PCDHGB1: variants seen among roughly 807,000 people sequenced by gnomAD.
PCDHGB1 encodes protocadherin gamma subfamily B, 1, also known as protocadherin gamma-B1.
A neutral mutation model predicts 56.6 loss-of-function variants in PCDHGB1; 34 were observed. The ratio of observed to expected loss-of-function variants is 0.60; its 90% CI spans 0.46 to 0.80. The LOEUF (loss-of-function observed/expected upper bound fraction) is 0.80, where lower values mean the gene tolerates loss of function less well. Among genes scored for constraint, PCDHGB1 ranks in the 30% least tolerant of loss-of-function variants. The pLI, the probability that PCDHGB1 is intolerant of heterozygous loss-of-function variation, is 0.00. For missense variants in PCDHGB1, 1,278 were observed against 1,204.6 expected (o/e 1.06, Z -0.90); for synonymous variants, 561 against 505.9 (o/e 1.11, Z -1.46).
Position 141,487,631 on chromosome 5 carries a change from G to T in PCDHGB1, c.2410-7176G>T. Reference sequence around the variant, plus strand: ...TGGGCTAGAGGTGAGACCTTTGCAGGCTCAACAAATGCTTGAGGGTTATTC... The same window carrying T: ...TGGGCTAGAGGTGAGACCTTTGCAGTCTCAACAAATGCTTGAGGGTTATTC... On this transcript the variant is annotated intron_variant, in intron 1 of 3. Transcript: ENST00000523390. The surrounding 1 kb of genome is among the most constrained non-coding windows in gnomAD (Gnocchi z 5.0). The T allele has an allele frequency of 6.2e-7, 1 of 1,614,176 alleles. No individual in the cohort carries two copies. Among genetic ancestry groups the T allele is most frequent in the Non-Finnish European group, 8.5e-7 (1 of 1,180,032 alleles).
At chr5:141,455,661 T>TG (rs2098828692) in intron 1 of PCDHGB1, among the ~76,000 whole-genome samples, 1 of 152,024 alleles carries the variant, frequency 6.6e-6, no homozygotes, top group South Asian at 2.1e-4. Context: ...CAGGAACTTG[T>TG]GGGGCAAGGG....
rs373297942 is a variant in PCDHGB1 at position 141,431,494 on chromosome 5, C to G, written c.2410-63313C>G. ...ACAACGCACCAGCGTTTGCTCAGCCCGAGTACCGCGCGAGCGTTCCGGAGA... is the reference window on the plus strand; with the variant it reads ...ACAACGCACCAGCGTTTGCTCAGCCGGAGTACCGCGCGAGCGTTCCGGAGA... On this transcript the variant is annotated intron_variant, in intron 1 of 3. Transcript: ENST00000523390. This position sits in a 1 kb window ranked among gnomAD's most constrained non-coding sequence, Gnocchi z 4.8. 16 of 1,613,838 alleles carry G rather than the reference C, an allele frequency of 9.9e-6. No individual in the cohort carries two copies. The highest frequency in any genetic ancestry group is 1.4e-5 in the Non-Finnish European group (16 of 1,180,030).
chr5:141,486,371 G>T lies in PCDHGB1; in HGVS notation c.2410-8436G>T. 1.9e-6 allele frequency: 3 copies of T among 1,614,138 alleles called. No homozygotes were observed. The highest frequency in any genetic ancestry group is 2.5e-6 in the Non-Finnish European group (3 of 1,180,010). On this transcript the variant is annotated intron_variant, in intron 1 of 3. Coordinates refer to ENST00000523390, the MANE Select transcript of PCDHGB1 (RefSeq NM_018922.3). The surrounding 1 kb of genome is among the most constrained non-coding windows in gnomAD (Gnocchi z 5.0). ...CCACTTGCCATTTGCCCTCAAGTCT[G>T]CCTTCAGGAACCAGTTCTCCCTGGT...
chr5:141,417,899 C>G lies in PCDHGB1; in HGVS notation c.2409+65230C>G, dbSNP rs781294504. On this transcript the variant is annotated intron_variant, in intron 1 of 3. Transcript: ENST00000523390. ...CGCGCAGAGGCGCCGGGCCGGCCCG[C>G]GGCAGGTACTATTTCCTTTGCTGCT... 2.0e-5 allele frequency: 31 copies of G among 1,581,354 alleles called. 2 individuals carry two copies. In the South Asian group the frequency reaches 3.4e-4, roughly 17 times the overall value.
rs1478890031 is a variant in PCDHGB1, at chr5:141,478,689, C to G, written c.2410-16118C>G. On this transcript the variant is annotated intron_variant, in intron 1 of 3. Coordinates refer to ENST00000523390, the MANE Select transcript of PCDHGB1 (RefSeq NM_018922.3). Reference sequence around the variant, plus strand: ...CACTTTCAACTGGCCCTTCCTAGATCAAAGTTAGTGCCTTTGTGAGATGGT... The same window carrying G: ...CACTTTCAACTGGCCCTTCCTAGATGAAAGTTAGTGCCTTTGTGAGATGGT... 3 of 1,550,866 alleles carry G rather than the reference C, an allele frequency of 1.9e-6. No homozygotes were observed. In the African/African-American group the frequency reaches 4.1e-5, roughly 21 times the overall value.
At chr5:141,389,582 T>C (rs1266016569) in intron 1 of PCDHGB1, 2 of 1,613,146 alleles carry the variant, frequency 1.2e-6, no homozygotes, top group Non-Finnish European at 1.7e-6. Context: ...CCGCGCTGGG[T>C]CCCGACGGCT....
intron 1 of PCDHGB1, chr5:141,409,361 G>A (rs754448763): frequency 6.2e-7 from 1 of 1,613,964 alleles, no homozygotes; most frequent in Non-Finnish European, 8.5e-7. Flanking sequence ...GTGTAATATA[G>A]AAACAGACAT....
chr5:141,353,092 G>C (rs377333833), intron 1 of PCDHGB1, among the ~76,000 whole-genome samples: 1 of 152,080 alleles, frequency 6.6e-6, no homozygotes, highest in Non-Finnish European at 1.5e-5. Flanking sequence ...CTGCGGGAGG[G>C]GGTACTAGAT....
chr5:141,409,292 A>G, intron 1 of PCDHGB1: 1 of 1,614,012 alleles, frequency 6.2e-7, no homozygotes, highest in Admixed American at 1.7e-5. Flanking sequence ...ACCTCCAGGA[A>G]TGGTTGTTGC....
Position 141,491,713 on chromosome 5 carries a change from G to A in PCDHGB1, c.2410-3094G>A. On this transcript the variant is annotated intron_variant, in intron 1 of 3. Transcript: ENST00000523390. This position sits in a 1 kb window ranked among gnomAD's most constrained non-coding sequence, Gnocchi z 6.9. ...GGAGCGGAGCCAGGTGAGGGGCTCG[G>A]CGCCGCCCCGGGCGACCCCTGGGGG... The A allele has an allele frequency of 1.9e-6, 3 of 1,609,174 alleles. No individual in the cohort carries two copies. Among genetic ancestry groups the A allele is most frequent in the Non-Finnish European group, 2.5e-6 (3 of 1,178,054 alleles).
At position 141,351,903 on chromosome 5, in the gene PCDHGB1, T is replaced by G. The variant is rs1367972481; in HGVS notation, c.1643T>G (p.Val548Gly). The change falls in exon 1 of 4, where the codon GTG becomes GGG. Residue 548 changes from valine to glycine, a missense_variant. Physicochemically the swap from Val to Gly is moderately radical, Grantham distance 109 (BLOSUM62 -3). Coordinates refer to ENST00000523390, the MANE Select transcript of PCDHGB1 (RefSeq NM_018922.3). The part of the protein sequence containing the change: ...LSANVSLRVL[V>G]GDLNDNAPRV... ...GCCAACGTGAGCCTGCGCGTGTTGG[T>G]GGGCGACCTCAATGACAATGCGCCA... 63 of 1,613,408 alleles carry G rather than the reference T, an allele frequency of 3.9e-5. No individual in the cohort carries two copies. Among genetic ancestry groups the G allele is most frequent in the Non-Finnish European group, 5.2e-5 (61 of 1,179,758 alleles).
Position 141,350,133 on chromosome 5 carries a change from C to T in PCDHGB1, c.-128C>T. ...CTTTGTCCGGTGCACTGAGCACAGACGCTGCTCCTGTTCACCCTCGAGCGC... is the reference window on the plus strand; with the variant it reads ...CTTTGTCCGGTGCACTGAGCACAGATGCTGCTCCTGTTCACCCTCGAGCGC... On this transcript the variant is annotated 5_prime_UTR_variant, in exon 1 of 4. In the 5' UTR this introduces an upstream ATG that the reference lacks. Coordinates refer to ENST00000523390, the MANE Select transcript of PCDHGB1 (RefSeq NM_018922.3). The T allele has an allele frequency of 1.4e-6, 1 of 737,120 alleles. No individual in the cohort carries two copies. Among genetic ancestry groups the T allele is most frequent in the Admixed American group, 3.6e-5 (1 of 27,416 alleles). The allele number at this position is 737,120 out of a possible 1,614,324, so 45.7% of individuals were successfully genotyped here.
chr5:141,377,938 A>T (rs1447195904), intron 1 of PCDHGB1: 1 of 152,228 alleles, frequency 6.6e-6, no homozygotes, highest in Non-Finnish European at 1.5e-5. Flanking sequence ...ACTGCTGCTT[A>T]TAGAGTGTGT....
intron 1 of PCDHGB1, chr5:141,478,174 G>GA (rs1156842877): frequency 3.7e-6 from 6 of 1,613,692 alleles, no homozygotes; most frequent in South Asian, 1.1e-5. Context: ...CCCGGGAGCA[G>GA]AAAAAAAATC....
rs545943961 is a variant in PCDHGB1, at chr5:141,373,227, T to C, written c.2409+20558T>C. On this transcript the variant is annotated intron_variant, in intron 1 of 3. Coordinates refer to ENST00000523390, the MANE Select transcript of PCDHGB1 (RefSeq NM_018922.3). ...ACACATTTTTAATGTAACCTGTATATAATATTTTTACTTCCCTTTGCATGT... is the reference window on the plus strand; with the variant it reads ...ACACATTTTTAATGTAACCTGTATACAATATTTTTACTTCCCTTTGCATGT... 9.8e-5 allele frequency among the ~76,000 whole-genome samples: 15 copies of C among 152,350 alleles called. No homozygotes were observed. In the East Asian group the frequency reaches 2.7e-3, roughly 27 times the overall value.
At chr5:141,371,258 G>A in intron 1 of PCDHGB1, 1 of 1,614,052 alleles carries the variant, frequency 6.2e-7, no homozygotes, top group South Asian at 1.1e-5. Context: ...GCAAGGAAGT[G>A]AGACAACTGT....
chr5:141,350,533 G>A lies in PCDHGB1; in HGVS notation c.273G>A (p.Lys91=). 6.2e-7 allele frequency: 1 copy of A among 1,614,072 alleles called. No homozygotes were observed. The highest frequency in any genetic ancestry group is 8.5e-7 in the Non-Finnish European group (1 of 1,179,912). ...TGAACGGTAGGATAGATCGAGAGAA[G>A]ATTTGCGGAAGGAAACTTGAGTGTG... The part of the protein sequence containing the change: ...LLVNGRIDRE[K]ICGRKLECAL... Residue 91 remains lysine, a synonymous_variant, in exon 1 of 4, where the codon AAG becomes AAA. Transcript: ENST00000523390.
Position 141,382,943 on chromosome 5 carries a change from T to C in PCDHGB1, c.2409+30274T>C, listed in dbSNP as rs766692143. On this transcript the variant is annotated intron_variant, in intron 1 of 3. Coordinates refer to ENST00000523390, the MANE Select transcript of PCDHGB1 (RefSeq NM_018922.3). The stretch of plus-strand genomic sequence containing the variant: ...GGCGGGGACTACAGAGGATTCTTCC[T>C]GCTCTCCATCCTCCTGGGGACCCCC... 2.6e-5 allele frequency: 42 copies of C among 1,596,066 alleles called. No individual in the cohort carries two copies. Among genetic ancestry groups the C allele is most frequent in the Non-Finnish European group, 3.5e-5 (41 of 1,169,148 alleles).
chr5:141,473,700 C>G (rs1474416849), intron 1 of PCDHGB1, among the ~76,000 whole-genome samples: 1 of 152,148 alleles, frequency 6.6e-6, no homozygotes, highest in Non-Finnish European at 1.5e-5. Context: ...GACCACCCTC[C>G]AAGTGGTGCA....
Sources: allele counts gnomAD v4.1 joint callset (sites outside exome capture counted in the v4.1 genomes callset), GRCh38; gene constraint gnomAD v4.1.1; non-coding constraint Gnocchi (gnomAD v3.1); transcripts MANE v1.5; gene names NCBI Gene and HGNC (gene_info 2026-07-23, HGNC 2026-07-21).